MECOM: variants seen among roughly 807,000 people sequenced by gnomAD.
MECOM encodes MDS1 and EVI1 complex locus.
MECOM carries 13 observed loss-of-function variants against 116.3 expected under a neutral mutation model. The ratio of observed to expected loss-of-function variants is 0.11; its 90% confidence interval spans 0.07 to 0.18. The LOEUF (loss-of-function observed/expected upper bound fraction) is 0.18. Ranked by LOEUF, MECOM falls within the 10% of genes least tolerant of loss-of-function variation. The pLI is 1.00. For synonymous variants in MECOM, 528 were observed against 535.2 expected (o/e 0.99, Z 0.19); for missense variants, 1,299 against 1,509.0 (o/e 0.86, Z 2.31).
At chr3:169,571,976 C>T (rs1306997961) in intron 1 of MECOM, among the ~76,000 whole-genome samples, 7 of 152,120 alleles carry the variant, frequency 4.6e-5, no homozygotes, top group African/African-American at 1.7e-4. Context: ...CAACAAAAGC[C>T]AAAATTGATA....
At chr3:169,277,107 G>A (rs1759686704) in intron 2 of MECOM, among the ~76,000 whole-genome samples, 1 of 151,970 alleles carries the variant, frequency 6.6e-6, no homozygotes, top group African/African-American at 2.4e-5. Context: ...TAGATTATGA[G>A]GATACTTTCA....
In MECOM at chr3:169,631,352, A is replaced by G. The variant is rs116340698; in HGVS notation, c.37+31984T>C. On this transcript the variant is annotated intron_variant, in intron 1 of 16. Coordinates refer to ENST00000651503, the MANE Select transcript of MECOM (RefSeq NM_004991.4). ...ATCTTTTGCTATAATAGAGGGAATCATAAAAAGAGAGAAGACAAAACAATA... is the reference window on the plus strand; with the variant it reads ...ATCTTTTGCTATAATAGAGGGAATCGTAAAAAGAGAGAAGACAAAACAATA... 7.2e-3 allele frequency among the ~76,000 whole-genome samples: 1,091 copies of G among 152,364 alleles called. 15 individuals carry two copies. Among genetic ancestry groups the G allele is most frequent in the African/African-American group, 0.026 (1,063 of 41,592 alleles).
intron 2 of MECOM, among the ~76,000 whole-genome samples, chr3:169,164,338 T>C (rs1047503366): frequency 3.9e-5 from 6 of 152,180 alleles, no homozygotes; most frequent in African/African-American, 1.4e-4. Flanking sequence ...TTGCTCCTCC[T>C]TGCCTTCCAC....
intron 1 of MECOM, among the ~76,000 whole-genome samples, chr3:169,415,762 C>A (rs563779641): frequency 6.6e-6 from 1 of 151,464 alleles, no homozygotes; most frequent in African/African-American, 2.4e-5. Context: ...TTTAAACCAA[C>A]AAATATAAAA....
At chr3:169,663,224 C>T in intron 1 of MECOM, 112 bp downstream of exon 1, 1 of 1,306,720 alleles carries the variant, frequency 7.7e-7, no homozygotes, top group Non-Finnish European at 1.1e-6. Flanking sequence ...TGCCCTCCAC[C>T]CGGGGCCCCG....
At chr3:169,152,758 T>C (rs1741366948) in intron 2 of MECOM, among the ~76,000 whole-genome samples, 1 of 152,172 alleles carries the variant, frequency 6.6e-6, no homozygotes, top group Non-Finnish European at 1.5e-5. Context: ...CAGTGAACCA[T>C]TACCTACTTC....
intron 1 of MECOM, among the ~76,000 whole-genome samples, chr3:169,650,287 T>C (rs1260045426): frequency 1.3e-5 from 2 of 152,354 alleles, no homozygotes; most frequent in East Asian, 3.9e-4. Context: ...GTGGGTAATT[T>C]TTTAAAGAAC....
chr3:169,104,683 T>A (rs1724745314), intron 10 of MECOM, among the ~76,000 whole-genome samples: 1 of 152,220 alleles, frequency 6.6e-6, no homozygotes, highest in South Asian at 2.1e-4. Flanking sequence ...TTTCCTTTTA[T>A]ATGGAAAATA....
chr3:169,207,192 G>GCAAATAAACA (rs1750053785), intron 2 of MECOM, among the ~76,000 whole-genome samples: 4 of 152,160 alleles, frequency 2.6e-5, no homozygotes, highest in Non-Finnish European at 5.9e-5. Context: ...ATAAATGTCT[G>GCAAATAAACA]GAGAAGCAGC....
intron 14 of MECOM, among the ~76,000 whole-genome samples, chr3:169,090,645 A>C (rs1040763356): frequency 7.9e-5 from 12 of 152,064 alleles, no homozygotes; most frequent in African/African-American, 2.9e-4. Context: ...CATATCACTC[A>C]TGGGCCGTAG....
intron 1 of MECOM, among the ~76,000 whole-genome samples, chr3:169,428,058 T>C (rs1347562068): frequency 6.6e-6 from 1 of 152,186 alleles, no homozygotes; most frequent in Non-Finnish European, 1.5e-5. Flanking sequence ...CAGGTGCCTG[T>C]AGTCCCAGCT....
intron 1 of MECOM, among the ~76,000 whole-genome samples, chr3:169,416,801 C>T (rs1047076000): frequency 3.1e-4 from 47 of 151,964 alleles, no homozygotes; most frequent in African/African-American, 8.2e-4. Context: ...GAAATAACGC[C>T]GCATATCTAC....
chr3:169,589,646 C>G (rs188293229), intron 1 of MECOM, among the ~76,000 whole-genome samples: 1 of 152,124 alleles, frequency 6.6e-6, no homozygotes, highest in Non-Finnish European at 1.5e-5. Flanking sequence ...CCCTCCCCAA[C>G]CCCCACTGAT....
intron 2 of MECOM, among the ~76,000 whole-genome samples, chr3:169,338,265 T>C (rs1452359778): frequency 6.6e-6 from 1 of 152,142 alleles, no homozygotes; most frequent in Non-Finnish European, 1.5e-5. Flanking sequence ...ATTTCACTTC[T>C]CCAAGAAGTT....
chr3:169,122,232 GA>G (rs774487820), intron 6 of MECOM, among the ~76,000 whole-genome samples: 13 of 152,026 alleles, frequency 8.6e-5, no homozygotes, highest in Non-Finnish European at 1.8e-4. Flanking sequence ...GCTATTAAAA[GA>G]AATCAGTAAC....
At chr3:169,167,463 C>T (rs1743766465) in intron 2 of MECOM, among the ~76,000 whole-genome samples, 1 of 152,120 alleles carries the variant, frequency 6.6e-6, no homozygotes, top group African/African-American at 2.4e-5. Flanking sequence ...ACTCAAGGTC[C>T]CGCATGATGG....
chr3:169,265,918 C>G (rs1350676739), intron 2 of MECOM, among the ~76,000 whole-genome samples: 1 of 152,108 alleles, frequency 6.6e-6, no homozygotes, highest in African/African-American at 2.4e-5. Flanking sequence ...ACTCAGGGGA[C>G]AGAGTAACAT....
intron 1 of MECOM, among the ~76,000 whole-genome samples, chr3:169,582,566 G>C (rs929530291): frequency 6.6e-6 from 1 of 152,132 alleles, no homozygotes; most frequent in Non-Finnish European, 1.5e-5. Context: ...TCCTCACACA[G>C]GTTAAGTATC....
intron 1 of MECOM, among the ~76,000 whole-genome samples, chr3:169,399,591 A>G (rs1735548782): frequency 6.6e-6 from 1 of 152,254 alleles, no homozygotes; most frequent in Admixed American, 6.5e-5. Context: ...TAGTTGAAAA[A>G]GAATCAGAAA....
Sources: gnomAD v4.1 joint callset for allele counts (sites outside exome capture counted in the v4.1 genomes callset) on GRCh38, gnomAD v4.1.1 for gene constraint, MANE v1.5 for transcripts, NCBI Gene and HGNC (gene_info 2026-07-23, HGNC 2026-07-21) for gene names.